TGFBR2: variants seen among roughly 807,000 people sequenced by gnomAD.
TGFBR2 encodes the protein transforming growth factor beta receptor 2, also known as TGF-beta receptor type-2.
Under a neutral mutation model 49.0 loss-of-function variants are expected in TGFBR2, and 18 were observed. The ratio of observed to expected loss-of-function variants is 0.37; its 90% CI spans 0.25 to 0.54. The LOEUF is 0.54. TGFBR2 is among the 20% of genes least tolerant of loss of function. TGFBR2 has a pLI of 0.85. For synonymous variants in TGFBR2, 282 were observed against 275.9 expected (o/e 1.02, Z -0.22); for missense variants, 525 against 722.6 (o/e 0.73, Z 3.13).
At chr3:30,643,921 G>A (rs189355752) in intron 1 of TGFBR2, among the ~76,000 whole-genome samples, 18 of 152,306 alleles carry the variant, frequency 1.2e-4, no homozygotes, top group African/African-American at 4.3e-4. Flanking sequence ...CCTGAGGAGG[G>A]AATGAACTTG....
intron 3 of TGFBR2, among the ~76,000 whole-genome samples, chr3:30,655,143 G>A (rs1205914302): frequency 6.6e-6 from 1 of 152,224 alleles, no homozygotes; most frequent in Non-Finnish European, 1.5e-5. Context: ...CATGTAAAGT[G>A]CTTGCAACGT....
At chr3:30,641,508 A>G (rs550457414) in intron 1 of TGFBR2, among the ~76,000 whole-genome samples, 3 of 152,316 alleles carry the variant, frequency 2.0e-5, no homozygotes, top group Admixed American at 2.0e-4. Flanking sequence ...CATGTCCTGC[A>G]TACAGGCTTT....
intron 1 of TGFBR2, among the ~76,000 whole-genome samples, chr3:30,628,066 G>C (rs1268448407): frequency 6.7e-6 from 1 of 149,192 alleles, no homozygotes; most frequent in African/African-American, 2.5e-5. Context: ...CTACTTAGTA[G>C]TGCACTGCAA....
rs374177318 is a variant in TGFBR2, at chr3:30,673,923, C to T, written c.1255-182C>T. 2.6e-4 allele frequency among the ~76,000 whole-genome samples: 39 copies of T among 152,194 alleles called. 1 individual carries two copies. In the East Asian group the frequency reaches 3.5e-3, roughly 14 times the overall value. On this transcript the variant is annotated intron_variant, in intron 4 of 6. Transcript: ENST00000295754. Reference sequence around the variant, plus strand: ...CTTTAGAGGGTTTTCAGGGAGAGAACATCTATTTTAAAAAATAACCATCTA... The same window carrying T: ...CTTTAGAGGGTTTTCAGGGAGAGAATATCTATTTTAAAAAATAACCATCTA...
At chr3:30,643,150 C>A (rs1427171398) in intron 1 of TGFBR2, among the ~76,000 whole-genome samples, 1 of 152,138 alleles carries the variant, frequency 6.6e-6, no homozygotes, top group Non-Finnish European at 1.5e-5. Context: ...CAGAGAGTGA[C>A]TGTGGAAAGG....
chr3:30,654,556 C>T (rs1236688901), intron 3 of TGFBR2, among the ~76,000 whole-genome samples: 4 of 152,160 alleles, frequency 2.6e-5, no homozygotes, highest in Non-Finnish European at 5.9e-5. Flanking sequence ...CCTGCCAGAA[C>T]ATTTTGTGTA....
intron 3 of TGFBR2, among the ~76,000 whole-genome samples, chr3:30,654,263 C>G (rs1008406937): frequency 6.6e-6 from 1 of 152,356 alleles, no homozygotes; most frequent in Non-Finnish European, 1.5e-5. Flanking sequence ...ACGGTAACAT[C>G]TTGACATCAG....
At chr3:30,642,073 C>T (rs1285811731) in intron 1 of TGFBR2, among the ~76,000 whole-genome samples, 1 of 152,146 alleles carries the variant, frequency 6.6e-6, no homozygotes, top group Non-Finnish European at 1.5e-5. Context: ...GCACCCATCT[C>T]ATCTGTTTTC....
intron 2 of TGFBR2, among the ~76,000 whole-genome samples, chr3:30,645,487 A>ATTTTTTTT (rs1575144011): frequency 2.7e-5 from 3 of 109,656 alleles, no homozygotes; most frequent in Admixed American, 8.7e-5. Context: ...AGAACTACAT[A>ATTTTTTTT]TTTCTTTTTT....
intron 5 of TGFBR2, among the ~76,000 whole-genome samples, chr3:30,682,026 G>C (rs996685685): frequency 1.3e-5 from 2 of 152,146 alleles, no homozygotes; most frequent in African/African-American, 2.4e-5. Context: ...AAGGAAGCTG[G>C]GTGTTTTATC....
At chr3:30,665,911 A>G (rs1699234408) in intron 3 of TGFBR2, among the ~76,000 whole-genome samples, 2 of 152,356 alleles carry the variant, frequency 1.3e-5, no homozygotes, top group South Asian at 4.1e-4. Context: ...TATTTTAAAA[A>G]TGAATTTGTG....
intron 1 of TGFBR2, among the ~76,000 whole-genome samples, chr3:30,607,277 A>G (rs1213561386): frequency 6.6e-6 from 1 of 152,180 alleles, no homozygotes; most frequent in African/African-American, 2.4e-5. Context: ...CGGAAAGGGA[A>G]GTTTGAGAAG....
intron 5 of TGFBR2, among the ~76,000 whole-genome samples, chr3:30,675,664 C>A (rs17426145): frequency 6.6e-6 from 1 of 152,096 alleles, no homozygotes; most frequent in Non-Finnish European, 1.5e-5. Context: ...GGATTACAGG[C>A]GTGAGCCACT....
intron 1 of TGFBR2, among the ~76,000 whole-genome samples, chr3:30,631,377 A>G (rs1472053650): frequency 1.3e-5 from 2 of 152,128 alleles, no homozygotes; most frequent in Non-Finnish European, 2.9e-5. Flanking sequence ...TAGCATCAGA[A>G]AAGTTGCAGC....
At chr3:30,655,477 G>A (rs1248922113) in intron 3 of TGFBR2, among the ~76,000 whole-genome samples, 1 of 152,262 alleles carries the variant, frequency 6.6e-6, no homozygotes, top group Admixed American at 6.5e-5. Flanking sequence ...CCACATCCCT[G>A]TCATTGTTGG....
At chr3:30,623,087 A>G (rs1275029428) in intron 1 of TGFBR2, 6 of 689,848 alleles carry the variant, frequency 8.7e-6, no homozygotes, top group Non-Finnish European at 1.3e-5. Context: ...TAATCTTTTA[A>G]TAATCTCACA....
chr3:30,612,160 A>G (rs1419508588), intron 1 of TGFBR2, among the ~76,000 whole-genome samples: 1 of 152,216 alleles, frequency 6.6e-6, no homozygotes, highest in Non-Finnish European at 1.5e-5. Context: ...GAAGAGAAAG[A>G]CAATTAACAT....
intron 1 of TGFBR2, among the ~76,000 whole-genome samples, chr3:30,641,155 C>G (rs1233503156): frequency 6.6e-6 from 1 of 152,138 alleles, no homozygotes; most frequent in Non-Finnish European, 1.5e-5. Flanking sequence ...GATGCCTTAA[C>G]TGGATCTTAC....
At position 30,691,602 on chromosome 3, in the gene TGFBR2, C is replaced by A. The variant is rs1699711779; in HGVS notation, c.*3C>A. The A allele has an allele frequency of 6.2e-7, 1 of 1,614,030 alleles. No individual in the cohort carries two copies. Among genetic ancestry groups the A allele is most frequent in the Admixed American group, 1.7e-5 (1 of 60,018 alleles). ...GCTCCCTAAACACTACCAAATAGCT[C>A]TTCTGGGGCAGGCTGGGCCATGTCC... On this transcript the variant is annotated 3_prime_UTR_variant, in exon 7 of 7. Transcript: ENST00000295754.
Sources: gnomAD v4.1 joint callset for allele counts (sites outside exome capture counted in the v4.1 genomes callset) on GRCh38, gnomAD v4.1.1 for gene constraint, MANE v1.5 for transcripts, NCBI Gene and HGNC (gene_info 2026-07-23, HGNC 2026-07-21) for gene names.